Variants in EHMT1 observed in about 807,000 individuals in gnomAD.
EHMT1 encodes the protein euchromatic histone lysine methyltransferase 1.
In EHMT1, 15 loss-of-function variants were observed where a neutral mutation model predicts 147.2. The ratio of observed to expected loss-of-function variants is 0.10; its 90% CI spans 0.07 to 0.16. The LOEUF (loss-of-function observed/expected upper bound fraction) is 0.16, where lower values mean the gene tolerates loss of function less well. Ranked by LOEUF, EHMT1 falls within the 10% of genes least tolerant of loss-of-function variation. The probability of loss-of-function intolerance (pLI) is 1.00; values close to 1 mark genes in which losing one functional copy is unlikely to be tolerated. For synonymous variants in EHMT1, 795 were observed against 709.6 expected (o/e 1.12, Z -1.91); for missense variants, 1,587 against 1,772.4 (o/e 0.90, Z 1.88).
At chr9:137,821,801 A>G in intron 25 of EHMT1, among the ~76,000 whole-genome samples, 1 of 152,230 alleles carries the variant, frequency 6.6e-6, no homozygotes, top group East Asian at 1.9e-4. Flanking sequence ...GTTCATGAAC[A>G]TGGTATATCT....
At chr9:137,737,177 A>G (rs935340269) in intron 4 of EHMT1, among the ~76,000 whole-genome samples, 2 of 152,224 alleles carry the variant, frequency 1.3e-5, no homozygotes, top group African/African-American at 4.8e-5. Flanking sequence ...GTATCACTGC[A>G]CTTTAGCCTA....
chr9:137,814,360 T>C lies in EHMT1; in HGVS notation c.3181-71T>C. ...TCAGGGTTAACAGAACTGGAAGACGTAGTTGTGACTGGGAGGGGAAATGGA... is the reference window on the plus strand; with the variant it reads ...TCAGGGTTAACAGAACTGGAAGACGCAGTTGTGACTGGGAGGGGAAATGGA... On this transcript the variant is annotated intron_variant, in intron 21 of 26. Coordinates refer to ENST00000460843, the MANE Select transcript of EHMT1 (RefSeq NM_024757.5). 3.3e-6 allele frequency: 5 copies of C among 1,504,798 alleles called. No homozygotes were observed. In the East Asian group the frequency reaches 9.0e-5, roughly 27 times the overall value. The allele number at this position is 1,504,798 out of a possible 1,614,324, so 93.2% of individuals were successfully genotyped here.
chr9:137,752,149 G>A lies in EHMT1; in HGVS notation c.1171-182G>A, dbSNP rs553614757. ...CTGGCCCTGCCTGGACCAGCACTCGGTCACCCCACACACCAGCCAGGGCTG... is the reference window on the plus strand; with the variant it reads ...CTGGCCCTGCCTGGACCAGCACTCGATCACCCCACACACCAGCCAGGGCTG... On this transcript the variant is annotated intron_variant, in intron 6 of 26. Transcript: ENST00000460843. Among the ~76,000 whole-genome samples the A allele has an allele frequency of 3.7e-4, 57 of 152,342 alleles. No individual in the cohort carries two copies. The South Asian group carries it at 9.5e-3, about 25-fold the overall frequency.
At chr9:137,635,332 G>A (rs910995900) in intron 1 of EHMT1, among the ~76,000 whole-genome samples, 1 of 150,826 alleles carries the variant, frequency 6.6e-6, no homozygotes. Flanking sequence ...TAAGCCTCTC[G>A]ACTAGCTAGG....
chr9:137,675,804 G>T (rs1941228435), intron 1 of EHMT1, among the ~76,000 whole-genome samples: 1 of 97,082 alleles, frequency 1.0e-5, no homozygotes, highest in Non-Finnish European at 1.9e-5. Flanking sequence ...TTTTTTTTTA[G>T]ACGGAGTCTC....
At chr9:137,762,109 G>T (rs1311342599) in intron 9 of EHMT1, among the ~76,000 whole-genome samples, 1 of 152,232 alleles carries the variant, frequency 6.6e-6, no homozygotes, top group Non-Finnish European at 1.5e-5. Flanking sequence ...ATTGTCAGCT[G>T]CATATTGAGC....
chr9:137,683,408 T>C (rs1268417234), intron 1 of EHMT1, among the ~76,000 whole-genome samples: 6 of 152,238 alleles, frequency 3.9e-5, no homozygotes, highest in Non-Finnish European at 7.3e-5. Flanking sequence ...TTAACATTCA[T>C]GTATAACCTT....
chr9:137,733,216 G>A (rs1333996805), intron 4 of EHMT1, among the ~76,000 whole-genome samples: 2 of 152,224 alleles, frequency 1.3e-5, no homozygotes, highest in Admixed American at 6.5e-5. Flanking sequence ...GGATGGCCGT[G>A]CTGAATCAGG....
Position 137,776,869 on chromosome 9 carries a change from GC to G in EHMT1, c.2018+26del, listed in dbSNP as rs767832726. The G allele has an allele frequency of 6.2e-6, 10 of 1,610,214 alleles. No individual in the cohort carries two copies. In the African/African-American group the frequency reaches 1.3e-4, roughly 22 times the overall value. The stretch of plus-strand genomic sequence containing the variant: ...GGTACCTGGCACAGGCTCTGGCTGG[GC>G]TCTCCAGTCGTCCACCTGAAAAAGT... On this transcript the variant is annotated intron_variant, in intron 12 of 26. Coordinates refer to ENST00000460843, the MANE Select transcript of EHMT1 (RefSeq NM_024757.5). The surrounding 1 kb of genome is among the most constrained non-coding windows in gnomAD (Gnocchi z 4.4).
At chr9:137,766,577 T>C (rs1426336471) in intron 10 of EHMT1, among the ~76,000 whole-genome samples, 1 of 152,218 alleles carries the variant, frequency 6.6e-6, no homozygotes, top group Non-Finnish European at 1.5e-5. Flanking sequence ...GTCGTGCTGC[T>C]GTTCTTCAGC....
At chr9:137,663,664 A>T (rs1939323189) in intron 1 of EHMT1, among the ~76,000 whole-genome samples, 1 of 152,222 alleles carries the variant, frequency 6.6e-6, no homozygotes, top group Admixed American at 6.5e-5. Context: ...GTTCTCTTAC[A>T]CGAGTCTTGG....
At position 137,776,834 on chromosome 9, in the gene EHMT1, A is replaced by G; in HGVS notation, c.2008A>G (p.Thr670Ala). The G allele has an allele frequency of 6.2e-7, 1 of 1,613,832 alleles. No individual in the cohort carries two copies. The highest frequency in any genetic ancestry group is 8.5e-7 in the Non-Finnish European group (1 of 1,179,980). ...GSALEGRADT[T>A]TGSAAGPPLS... is the part of the protein sequence containing the mutation. ...GGCCCTGGAGGGCAGGGCCGACACC[A>G]CAACGGGCAGGTACCTGGCACAGGC... The change falls in exon 12 of 27, where the codon ACA (threonine) becomes GCA (alanine). Residue 670 changes from threonine to alanine, a missense_variant. Thr to Ala is a moderately conservative substitution (Grantham distance 58). Coordinates refer to ENST00000460843, the MANE Select transcript of EHMT1 (RefSeq NM_024757.5). The surrounding 1 kb of genome is among the most constrained non-coding windows in gnomAD (Gnocchi z 4.4).
At chr9:137,759,019 C>T (rs556196395) in intron 9 of EHMT1, among the ~76,000 whole-genome samples, 57 of 151,722 alleles carry the variant, frequency 3.8e-4, no homozygotes, top group Admixed American at 2.6e-3. Context: ...CCCAGCTACT[C>T]GGGAGGCTGA....
At chr9:137,831,277 C>G (rs1377840572) in intron 25 of EHMT1, among the ~76,000 whole-genome samples, 1 of 152,196 alleles carries the variant, frequency 6.6e-6, no homozygotes, top group Non-Finnish European at 1.5e-5. Flanking sequence ...TATTCCTTCT[C>G]TTTTCTTACA....
At position 137,796,785 on chromosome 9, in the gene EHMT1, C is replaced by A. The variant is rs1484295832; in HGVS notation, c.2506-2028C>A. Among the ~76,000 whole-genome samples, 3 of 70,410 alleles carry A rather than the reference C, an allele frequency of 4.3e-5. No homozygotes were observed. The Admixed American group carries it at 5.7e-4, about 13-fold the overall frequency. The allele number at this position is 70,410 out of a possible 152,430, so 46.2% of individuals were successfully genotyped here. On this transcript the variant is annotated intron_variant, in intron 16 of 26. Transcript: ENST00000460843. ...CGTGCAGTTCCCAGAAAAAGAAATA[C>A]ATGCATATGACCAACAAGCAGATGA...
At chr9:137,814,059 CCCCCCCCCCCCCG>C (rs797011063) in intron 21 of EHMT1, among the ~76,000 whole-genome samples, 1,215 of 27,180 alleles carry the variant, frequency 0.045, 168 homozygotes, top group African/African-American at 0.21. Context: ...TGCCCAGGCC[CCCCCCCCCCCCCG>C]CCCCCCGCCC....
intron 1 of EHMT1, among the ~76,000 whole-genome samples, chr9:137,621,241 G>A (rs1259238076): frequency 6.6e-6 from 1 of 152,246 alleles, no homozygotes; most frequent in Non-Finnish European, 1.5e-5. Context: ...CTTCTGGACA[G>A]TAGGTAGGCA....
At position 137,717,176 on chromosome 9, in the gene EHMT1, G is replaced by A. The variant is rs1302822737; in HGVS notation, c.636G>A (p.Val212=). 2 of 1,611,882 alleles carry A rather than the reference G, an allele frequency of 1.2e-6. No homozygotes were observed. The highest frequency in any genetic ancestry group is 1.1e-5 in the South Asian group (1 of 91,074). ...RARKTMPKSV[V]GLHAASKDPR... is the part of the protein sequence containing the mutation. ...GCAAGACCATGCCGAAGTCCGTCGT[G>A]GGCCTGGTAATTTTGTGTCTTCTCT... The change falls in exon 3 of 27, where the codon GTG becomes GTA. Residue 212 remains valine, a synonymous_variant. Transcript: ENST00000460843.
Position 137,659,555 on chromosome 9 carries a change from A to G in EHMT1, c.21+40506A>G, listed in dbSNP as rs56004338. 4.9e-3 allele frequency among the ~76,000 whole-genome samples: 741 copies of G among 151,382 alleles called. 6 individuals carry two copies. The highest frequency in any genetic ancestry group is 0.017 in the African/African-American group (706 of 41,266). ...CCGCCATGCCTGGGTCCCTTTAAAA[A>G]ATTTTTTTTTTTTTTTTGGAGACAG... On this transcript the variant is annotated intron_variant, in intron 1 of 26. Transcript: ENST00000460843.
Sources: allele counts gnomAD v4.1 joint callset (sites outside exome capture counted in the v4.1 genomes callset), GRCh38; gene constraint gnomAD v4.1.1; non-coding constraint Gnocchi (gnomAD v3.1); transcripts MANE v1.5; gene names NCBI Gene and HGNC (gene_info 2026-07-23, HGNC 2026-07-21).